Variants in WDFY4 observed in about 807,000 individuals in gnomAD.
WDFY4 encodes the protein WD repeat- and FYVE domain-containing protein 4.
In WDFY4, 169 loss-of-function variants were observed where a neutral mutation model predicts 351.9. That is an observed-to-expected ratio of 0.48 (90% CI 0.42 to 0.55). The LOEUF is 0.55. WDFY4 is among the 20% of genes least tolerant of loss of function. The pLI is 0.00. For synonymous variants in WDFY4, 1,622 were observed against 1,574.6 expected (o/e 1.03, Z -0.71); for missense variants, 3,803 against 3,935.6 (o/e 0.97, Z 0.90).
At chr10:48,894,649 C>T (rs562723290) in intron 44 of WDFY4, among the ~76,000 whole-genome samples, 13 of 152,268 alleles carry the variant, frequency 8.5e-5, no homozygotes, top group East Asian at 3.9e-4. Context: ...ATACAGAGGA[C>T]GGAGAGCCAT....
chr10:48,977,043 A>G, intron 59 of WDFY4, 64 bp downstream of exon 59: 1 of 1,301,222 alleles, frequency 7.7e-7, no homozygotes, highest in Non-Finnish European at 9.9e-7. Context: ...CATTCTTCTC[A>G]CTTCCTCCAG....
At chr10:48,795,345 T>A (rs1289428317) in intron 23 of WDFY4, among the ~76,000 whole-genome samples, 1 of 150,812 alleles carries the variant, frequency 6.6e-6, no homozygotes, top group Non-Finnish European at 1.5e-5. Flanking sequence ...AAGGACAGAG[T>A]TGGATTGCCA....
At chr10:48,880,973 C>A (rs756283290) in intron 43 of WDFY4, among the ~76,000 whole-genome samples, 6 of 152,214 alleles carry the variant, frequency 3.9e-5, no homozygotes, top group Non-Finnish European at 7.3e-5. Context: ...AATTCTCTTG[C>A]CTCCACTTAC....
chr10:48,844,642 T>C (rs1297037086), intron 39 of WDFY4, among the ~76,000 whole-genome samples: 3 of 152,054 alleles, frequency 2.0e-5, no homozygotes, highest in Non-Finnish European at 2.9e-5. Context: ...GAGTGAGGCT[T>C]GGGGCTCCCA....
intron 7 of WDFY4, among the ~76,000 whole-genome samples, chr10:48,728,145 G>A (rs530875358): frequency 1.3e-5 from 2 of 152,212 alleles, no homozygotes; most frequent in Non-Finnish European, 2.9e-5. Context: ...CCCATGAGGC[G>A]CTTGCTTGCT....
At chr10:48,823,875 G>A (rs1436143668) in intron 35 of WDFY4, 1 of 985,814 alleles carries the variant, frequency 1.0e-6, no homozygotes, top group South Asian at 4.7e-5. Flanking sequence ...GAGCAGGAGA[G>A]GAACATGATA....
chr10:48,830,746 G>A lies in WDFY4; in HGVS notation c.6387G>A (p.Leu2129=). 1.3e-6 allele frequency: 2 copies of A among 1,551,666 alleles called. No individual in the cohort carries two copies. Among genetic ancestry groups the A allele is most frequent in the Non-Finnish European group, 1.7e-6 (2 of 1,146,958 alleles). The change falls in exon 38 of 62, where the codon CTG becomes CTA. Residue 2129 remains leucine (L), a synonymous_variant. Coordinates refer to ENST00000325239, the MANE Select transcript of WDFY4 (RefSeq NM_001394531.1). ...QKTVQTLWQQ[L]VAQRQQTLED... ...CAGTGCAGACTCTCTGGCAGCAGCT[G>A]GTGGCACAAAGGCAGCAGACCCTGG...
At position 48,731,204 on chromosome 10, in the gene WDFY4, C is replaced by T. The variant is rs2132337174; in HGVS notation, c.1224C>T (p.Val408=). Residue 408 remains valine, a synonymous_variant, in exon 9 of 62, where the codon GTC becomes GTT. Coordinates refer to ENST00000325239, the MANE Select transcript of WDFY4 (RefSeq NM_001394531.1). ...DSVLCIQVLS[V]IRTMWAWNAR... is the part of the protein sequence containing the mutation. ...TCCTCTGCATACAAGTCTTGTCAGT[C>T]ATCAGGACCATGTGGGCCTGGAATG... is the stretch of plus-strand genomic sequence containing the variant. 2 of 1,551,824 alleles carry T rather than the reference C, an allele frequency of 1.3e-6. No homozygotes were observed. Among genetic ancestry groups the T allele is most frequent in the Non-Finnish European group, 1.7e-6 (2 of 1,147,006 alleles).
At chr10:48,892,733 C>T (rs1340610508) in intron 44 of WDFY4, among the ~76,000 whole-genome samples, 1 of 152,202 alleles carries the variant, frequency 6.6e-6, no homozygotes, top group East Asian at 1.9e-4. Flanking sequence ...GGAATTGAGT[C>T]AGTTGCACAT....
intron 35 of WDFY4, among the ~76,000 whole-genome samples, chr10:48,825,400 A>T (rs1272173365): frequency 6.6e-6 from 1 of 152,136 alleles, no homozygotes; most frequent in African/African-American, 2.4e-5. Flanking sequence ...TGCTATTGTG[A>T]ATAGTGCTGC....
At chr10:48,840,983 A>G (rs980352077) in intron 39 of WDFY4, among the ~76,000 whole-genome samples, 1 of 152,246 alleles carries the variant, frequency 6.6e-6, no homozygotes, top group African/African-American at 2.4e-5. Flanking sequence ...TTAAGCATCC[A>G]CCAACAGAGC....
chr10:48,946,991 TAC>T (rs57927796), intron 51 of WDFY4, 22 bp downstream of exon 51: 93,436 of 1,055,768 alleles, frequency 0.089, 1 homozygote, highest in East Asian at 0.15. Flanking sequence ...CCACTCTCTG[TAC>T]ACACACACAC....
At chr10:48,689,608 G>T (rs1432280965) in intron 1 of WDFY4, among the ~76,000 whole-genome samples, 2 of 152,170 alleles carry the variant, frequency 1.3e-5, no homozygotes, top group Admixed American at 1.3e-4. Flanking sequence ...ACATGTGGCT[G>T]GAAGTTGTGC....
At chr10:48,892,972 A>G (rs960644184) in intron 44 of WDFY4, among the ~76,000 whole-genome samples, 2 of 152,246 alleles carry the variant, frequency 1.3e-5, no homozygotes, top group African/African-American at 4.8e-5. Context: ...TGGGTGGCAA[A>G]AAACAAACAA....
intron 39 of WDFY4, among the ~76,000 whole-genome samples, chr10:48,851,620 C>T (rs574129353): frequency 1.2e-4 from 19 of 152,358 alleles, no homozygotes; most frequent in Middle Eastern, 3.4e-3. Context: ...AGATATCAGC[C>T]TTTCTCATTT....
chr10:48,947,946 T>C (rs1841133516), intron 51 of WDFY4, among the ~76,000 whole-genome samples: 2 of 152,166 alleles, frequency 1.3e-5, no homozygotes, highest in Admixed American at 6.5e-5. Context: ...CTAAGCCTCA[T>C]CTCAGAAAAG....
intron 47 of WDFY4, among the ~76,000 whole-genome samples, chr10:48,923,208 C>T (rs1267878666): frequency 6.6e-6 from 1 of 152,060 alleles, no homozygotes; most frequent in Non-Finnish European, 1.5e-5. Flanking sequence ...TAGGTAGCAT[C>T]TGGGCACCAC....
chr10:48,847,607 T>C (rs2068819808), intron 39 of WDFY4, among the ~76,000 whole-genome samples: 1 of 151,964 alleles, frequency 6.6e-6, no homozygotes, highest in Non-Finnish European at 1.5e-5. Context: ...GGGGTGAGAA[T>C]AGGCGAGTTC....
chr10:48,905,692 G>T (rs1388656228), intron 47 of WDFY4, among the ~76,000 whole-genome samples: 2 of 152,216 alleles, frequency 1.3e-5, no homozygotes, highest in Non-Finnish European at 2.9e-5. Context: ...TCAGCAAAAT[G>T]CGGACACCCC....
Sources: allele counts gnomAD v4.1 joint callset (sites outside exome capture counted in the v4.1 genomes callset), GRCh38; gene constraint gnomAD v4.1.1; transcripts MANE v1.5; gene names NCBI Gene and HGNC (gene_info 2026-07-23, HGNC 2026-07-21).